Variants in TBL1XR1 observed in about 807,000 individuals in gnomAD.
TBL1XR1 encodes the protein TBL1X/Y related 1.
Under a neutral mutation model 66.9 loss-of-function variants are expected in TBL1XR1, and 5 were observed. That is an observed-to-expected ratio of 0.07 (90% CI 0.04 to 0.16). The LOEUF (loss-of-function observed/expected upper bound fraction) is 0.16. Ranked by LOEUF, TBL1XR1 falls within the 10% of genes least tolerant of loss-of-function variation. The probability of loss-of-function intolerance (pLI) is 1.00; values close to 1 mark genes in which losing one functional copy is unlikely to be tolerated. For synonymous variants in TBL1XR1, 210 were observed against 206.0 expected (o/e 1.02, Z -0.17); for missense variants, 238 against 623.2 (o/e 0.38, Z 6.58).
chr3:177,158,241 T>C (rs904012707), intron 1 of TBL1XR1, among the ~76,000 whole-genome samples: 21 of 150,678 alleles, frequency 1.4e-4, no homozygotes, highest in African/African-American at 4.6e-4. Context: ...TTTTTTTTTT[T>C]TTTTTTAAGA....
intron 15 of TBL1XR1, 149 bp downstream of exon 15, chr3:177,026,224 G>C: frequency 1.6e-6 from 1 of 637,318 alleles, no homozygotes; most frequent in Non-Finnish European, 2.7e-6. Context: ...CAACGCACAT[G>C]AAAAGTTTAC....
chr3:177,065,626 C>A (rs1719056008), intron 2 of TBL1XR1, among the ~76,000 whole-genome samples: 1 of 152,176 alleles, frequency 6.6e-6, no homozygotes, highest in Non-Finnish European at 1.5e-5. Context: ...TAAACCTTAA[C>A]ACGAAGTGGG....
chr3:177,174,722 C>T (rs1304494944), intron 1 of TBL1XR1, among the ~76,000 whole-genome samples: 1 of 152,178 alleles, frequency 6.6e-6, no homozygotes, highest in Admixed American at 6.5e-5. Flanking sequence ...TTACTGGTGT[C>T]ATTCACACCT....
At chr3:177,126,470 T>C (rs1457458738) in intron 1 of TBL1XR1, among the ~76,000 whole-genome samples, 1 of 152,236 alleles carries the variant, frequency 6.6e-6, no homozygotes, top group Non-Finnish European at 1.5e-5. Context: ...CCCAGTGTTG[T>C]TTGCTCCAAT....
chr3:177,072,573 G>A (rs1422950562), intron 2 of TBL1XR1, among the ~76,000 whole-genome samples: 1 of 151,964 alleles, frequency 6.6e-6, no homozygotes, highest in African/African-American at 2.4e-5. Context: ...TTAATATGCT[G>A]TGTGTGTAAC....
chr3:177,075,766 C>T (rs1720623508), intron 2 of TBL1XR1, among the ~76,000 whole-genome samples: 1 of 152,174 alleles, frequency 6.6e-6, no homozygotes, highest in Non-Finnish European at 1.5e-5. Flanking sequence ...AAGGTGCTTT[C>T]TAGCAAAGTT....
intron 1 of TBL1XR1, among the ~76,000 whole-genome samples, chr3:177,151,890 G>T (rs913360095): frequency 7.9e-5 from 12 of 152,148 alleles, no homozygotes; most frequent in African/African-American, 2.9e-4. Context: ...CGGGCGTGGT[G>T]GCAGGCACCC....
chr3:177,190,633 C>T (rs895008353), intron 1 of TBL1XR1, among the ~76,000 whole-genome samples: 2 of 152,156 alleles, frequency 1.3e-5, no homozygotes, highest in African/African-American at 4.8e-5. Context: ...CATCCATTTT[C>T]ATCTAAGAAA....
chr3:177,065,891 AT>A (rs1404694139), intron 2 of TBL1XR1, among the ~76,000 whole-genome samples: 1 of 152,218 alleles, frequency 6.6e-6, no homozygotes, highest in Non-Finnish European at 1.5e-5. Context: ...GGACACTGAA[AT>A]TTGAATTTCA....
rs1376215669 is a variant in TBL1XR1, at chr3:177,051,529, C to T, written c.402G>A (p.Glu134=). Residue 134 remains glutamate, a synonymous_variant, in exon 5 of 16, where the codon GAG becomes GAA. Coordinates refer to ENST00000457928, the MANE Select transcript of TBL1XR1 (RefSeq NM_024665.7). ...AKNGENTANG[E]ENGAHTIANN... ...TTGCTATAGTATGTGCTCCATTCTCCTCCCCATTTGCTGTGTTTTCTCCAT... is the reference window on the plus strand; with the variant it reads ...TTGCTATAGTATGTGCTCCATTCTCTTCCCCATTTGCTGTGTTTTCTCCAT... 8 of 1,612,992 alleles carry T rather than the reference C, an allele frequency of 5.0e-6. No individual in the cohort carries two copies. The highest frequency in any genetic ancestry group is 1.3e-5 in the African/African-American group (1 of 74,812).
At chr3:177,149,647 G>T (rs1478766819) in intron 1 of TBL1XR1, among the ~76,000 whole-genome samples, 3 of 152,108 alleles carry the variant, frequency 2.0e-5, no homozygotes, top group Non-Finnish European at 4.4e-5. Context: ...GACAGCCCGT[G>T]GGCCAAATCC....
At chr3:177,120,982 G>A (rs1310010123) in intron 1 of TBL1XR1, among the ~76,000 whole-genome samples, 3 of 152,158 alleles carry the variant, frequency 2.0e-5, no homozygotes, top group Non-Finnish European at 1.5e-5. Context: ...CAAAAGAGCT[G>A]AGATTTAAAG....
chr3:177,031,022 G>GA (rs2108398891), intron 14 of TBL1XR1, among the ~76,000 whole-genome samples: 1 of 152,316 alleles, frequency 6.6e-6, no homozygotes, highest in East Asian at 1.9e-4. Flanking sequence ...TGAGGCAGGA[G>GA]AATCGCTTGA....
At chr3:177,152,537 G>A (rs1012463793) in intron 1 of TBL1XR1, among the ~76,000 whole-genome samples, 19 of 152,022 alleles carry the variant, frequency 1.2e-4, no homozygotes, top group African/African-American at 4.1e-4. Context: ...TGCCCGCCTC[G>A]GCCTCCCAAA....
At chr3:177,071,156 G>A (rs1380117640) in intron 2 of TBL1XR1, among the ~76,000 whole-genome samples, 2 of 150,174 alleles carry the variant, frequency 1.3e-5, no homozygotes, top group African/African-American at 2.4e-5. Context: ...TTAGCCTCCC[G>A]AGCAGCTGGG....
At chr3:177,094,888 A>G (rs1361131657) in intron 2 of TBL1XR1, among the ~76,000 whole-genome samples, 1 of 152,102 alleles carries the variant, frequency 6.6e-6, no homozygotes, top group Non-Finnish European at 1.5e-5. Context: ...ACAGGTGATG[A>G]GTGCACCAAA....
chr3:177,179,117 CAAA>C (rs71178099), intron 1 of TBL1XR1, among the ~76,000 whole-genome samples: 1,815 of 107,226 alleles, frequency 0.017, 29 homozygotes, highest in African/African-American at 0.074. Context: ...AACTACGTCT[CAAA>C]AAAAAAAAAA....
At chr3:177,083,535 A>G (rs1465792115) in intron 2 of TBL1XR1, among the ~76,000 whole-genome samples, 1 of 152,224 alleles carries the variant, frequency 6.6e-6, no homozygotes, top group Non-Finnish European at 1.5e-5. Context: ...AAAAAACAAC[A>G]TATTAACAGG....
intron 2 of TBL1XR1, among the ~76,000 whole-genome samples, chr3:177,069,797 G>GAAGA (rs1553824742): frequency 2.9e-5 from 2 of 70,126 alleles, no homozygotes; most frequent in African/African-American, 5.6e-5. Flanking sequence ...GGAAGGAAAG[G>GAAGA]AAGGAAGGAA....
Sources: gnomAD v4.1 joint callset for allele counts (sites outside exome capture counted in the v4.1 genomes callset) on GRCh38, gnomAD v4.1.1 for gene constraint, MANE v1.5 for transcripts, NCBI Gene and HGNC (gene_info 2026-07-23, HGNC 2026-07-21) for gene names.